Variants in S100PBP observed in about 807,000 individuals in gnomAD.
The protein encoded by S100PBP is S100P-binding protein.
A neutral mutation model predicts 39.9 loss-of-function variants in S100PBP; 15 were observed. The ratio of observed to expected loss-of-function variants is 0.38; its 90% CI spans 0.25 to 0.58. S100PBP has a LOEUF of 0.58. S100PBP is among the 20% of genes least tolerant of loss of function. The pLI, the probability that S100PBP is intolerant of heterozygous loss-of-function variation, is 0.70. For missense variants in S100PBP, 504 were observed against 487.3 expected (o/e 1.03, Z -0.32); for synonymous variants, 178 against 180.3 (o/e 0.99, Z 0.10).
intron 5 of S100PBP, among the ~76,000 whole-genome samples, chr1:32,837,429 C>T (rs776923859): frequency 2.8e-5 from 4 of 144,248 alleles, no homozygotes; most frequent in East Asian, 2.2e-4. Context: ...TTATAGGCAC[C>T]GGCCACCTGC....
intron 5 of S100PBP, among the ~76,000 whole-genome samples, chr1:32,831,941 A>G (rs1639617728): frequency 1.3e-5 from 2 of 152,304 alleles, no homozygotes; most frequent in East Asian, 1.9e-4. Flanking sequence ...ATCATTTTCA[A>G]TCTTTTCCCC....
In S100PBP at chr1:32,856,276, A is replaced by C. The variant is rs41306603; in HGVS notation, c.*238A>C. 8,470 of 250,364 alleles carry C rather than the reference A, an allele frequency of 0.034. 161 individuals carry two copies. The highest frequency in any genetic ancestry group is 0.042 in the Non-Finnish European group (5,373 of 128,902). The allele number at this position is 250,364 out of a possible 1,614,324, so 15.5% of individuals were successfully genotyped here. The stretch of plus-strand genomic sequence containing the variant: ...GTTTAAGCAAGCGTTCGGTTGGTAT[A>C]GTTTTTTTTTGTTTTTTTAATTTAA... On this transcript the variant is annotated 3_prime_UTR_variant, in exon 7 of 7. Coordinates refer to ENST00000373475, the MANE Select transcript of S100PBP (RefSeq NM_022753.4).
chr1:32,848,061 C>T (rs749312408), intron 5 of S100PBP, among the ~76,000 whole-genome samples: 1 of 152,150 alleles, frequency 6.6e-6, no homozygotes, highest in Non-Finnish European at 1.5e-5. Context: ...GTAATCCCAG[C>T]ACTTTGGGAG....
At chr1:32,829,716 C>T (rs990011393) in intron 4 of S100PBP, among the ~76,000 whole-genome samples, 5 of 152,232 alleles carry the variant, frequency 3.3e-5, no homozygotes, top group Admixed American at 6.5e-5. Flanking sequence ...GCCTGATACT[C>T]CCAGAGTGCT....
rs997240518 is a variant in S100PBP, at chr1:32,822,699, C to T, written c.-119-2614C>T. ...TTTGTACAAATTAAAATTATCTCCT[C>T]CTCTCTATATATACCATATATATGG... On this transcript the variant is annotated intron_variant, in intron 1 of 6. Coordinates refer to ENST00000373475, the MANE Select transcript of S100PBP (RefSeq NM_022753.4). 3.3e-5 allele frequency among the ~76,000 whole-genome samples: 5 copies of T among 151,512 alleles called. No individual in the cohort carries two copies. In the East Asian group the frequency reaches 5.8e-4, roughly 18 times the overall value.
At chr1:32,855,672 G>GC (rs1640789517) in intron 6 of S100PBP, among the ~76,000 whole-genome samples, 1 of 152,058 alleles carries the variant, frequency 6.6e-6, no homozygotes, top group South Asian at 2.1e-4. Context: ...TGTGTATATG[G>GC]CACATATCAC....
intron 6 of S100PBP, 23 bp from the exon 7 acceptor site, chr1:32,855,901 T>C (rs1358531317): frequency 6.4e-7 from 1 of 1,565,586 alleles, no homozygotes; most frequent in Non-Finnish European, 8.8e-7. Flanking sequence ...GCCTTCCTGT[T>C]TGTACTCTCC....
chr1:32,838,590 C>T (rs1323540647), intron 5 of S100PBP, among the ~76,000 whole-genome samples: 1 of 152,144 alleles, frequency 6.6e-6, no homozygotes, highest in African/African-American at 2.4e-5. Context: ...CGCCTGTAAT[C>T]CCAGCACTTT....
At chr1:32,816,971 T>C, upstream of S100PBP, 1 of 626,572 alleles carries the variant, frequency 1.6e-6, no homozygotes, top group Non-Finnish European at 2.8e-6. Flanking sequence ...ACAAGACAAC[T>C]GGACGCAAGA....
rs751942477 is a variant in S100PBP, at chr1:32,826,564, T to C, written c.465T>C (p.Val155=). 1 of 1,613,858 alleles carries C rather than the reference T, an allele frequency of 6.2e-7. No homozygotes were observed. Among genetic ancestry groups the C allele is most frequent in the East Asian group, 2.2e-5 (1 of 44,882 alleles). Residue 155 remains valine (V), a synonymous_variant, in exon 3 of 7, where the codon GTT becomes GTC. Coordinates refer to ENST00000373475, the MANE Select transcript of S100PBP (RefSeq NM_022753.4). Reference sequence around the variant, plus strand: ...CTGTTGCACCATTTAATCCAACAGTTTGTGATGCTCTGCTTGATAAGGACG... The same window carrying C: ...CTGTTGCACCATTTAATCCAACAGTCTGTGATGCTCTGCTTGATAAGGACG... ...KVTVAPFNPT[V]CDALLDKDET...
chr1:32,846,840 G>A (rs910737741), intron 5 of S100PBP: 1 of 150,700 alleles, frequency 6.6e-6, no homozygotes, highest in African/African-American at 2.5e-5. Context: ...GTAGTGCAGT[G>A]GTGCGATCTC....
At chr1:32,816,944 C>A (rs1279802691), upstream of S100PBP, 4 of 602,058 alleles carry the variant, frequency 6.6e-6, no homozygotes, top group African/African-American at 7.4e-5. Flanking sequence ...GTCCTGGATT[C>A]AAAGTTTGGC....
chr1:32,830,323 C>A (rs938799633), intron 5 of S100PBP, among the ~76,000 whole-genome samples: 1 of 151,738 alleles, frequency 6.6e-6, no homozygotes, highest in Admixed American at 6.6e-5. Context: ...TGGTTGAGGG[C>A]TTTAACCCAG....
intron 5 of S100PBP, among the ~76,000 whole-genome samples, chr1:32,831,979 C>T (rs960066667): frequency 6.6e-6 from 1 of 152,114 alleles, no homozygotes; most frequent in African/African-American, 2.4e-5. Context: ...CCAGTATTAC[C>T]ACAACAATCT....
intron 1 of S100PBP, among the ~76,000 whole-genome samples, chr1:32,821,473 C>T (rs936897119): frequency 1.6e-4 from 24 of 151,824 alleles, no homozygotes; most frequent in African/African-American, 4.1e-4. Flanking sequence ...AGGTGCGCGC[C>T]ACCAAGCCCA....
At position 32,851,504 on chromosome 1, in the gene S100PBP, A is replaced by G. The variant is rs368386926; in HGVS notation, c.1025-1575A>G. The stretch of plus-strand genomic sequence containing the variant: ...AACATGGTGAAACCCTGTCTCTACT[A>G]AAAATACAAAAATTAGCCAGGCATG... On this transcript the variant is annotated intron_variant, in intron 5 of 6. Transcript: ENST00000373475. Among the ~76,000 whole-genome samples the G allele has an allele frequency of 2.0e-4, 30 of 152,130 alleles. 1 individual carries two copies. In the East Asian group the frequency reaches 2.7e-3, roughly 14 times the overall value.
intron 1 of S100PBP, among the ~76,000 whole-genome samples, chr1:32,819,224 G>A (rs542002827): frequency 6.6e-6 from 1 of 152,204 alleles, no homozygotes; most frequent in Non-Finnish European, 1.5e-5. Context: ...GGGGTGTAGA[G>A]GAACTAAGAA....
chr1:32,816,832 T>C (rs1638753772), upstream of S100PBP: 1 of 429,622 alleles, frequency 2.3e-6, no homozygotes, highest in Non-Finnish European at 4.3e-6. Context: ...TAATGGGTCA[T>C]TTTTAACGTC....
chr1:32,836,688 C>T, intron 5 of S100PBP: 1 of 580,296 alleles, frequency 1.7e-6, no homozygotes, highest in Non-Finnish European at 2.2e-6. Flanking sequence ...ACTGCTTGTT[C>T]TTTAGCCCTG....
Sources: gnomAD v4.1 joint callset for allele counts (sites outside exome capture counted in the v4.1 genomes callset) on GRCh38, gnomAD v4.1.1 for gene constraint, MANE v1.5 for transcripts, NCBI Gene and HGNC (gene_info 2026-07-23, HGNC 2026-07-21) for gene names.